Variants in CALCOCO1 observed in about 807,000 individuals in gnomAD.
The protein encoded by CALCOCO1 is calcium-binding and coiled-coil domain-containing protein 1.
In CALCOCO1, 44 loss-of-function variants were observed where a neutral mutation model predicts 86.3. That is an observed-to-expected ratio of 0.51 (90% CI 0.40 to 0.66). The LOEUF is 0.66. Ranked by LOEUF, CALCOCO1 falls within the 30% of genes least tolerant of loss-of-function variation. The pLI is 0.00. For missense variants in CALCOCO1, 708 were observed against 851.1 expected, an observed-to-expected ratio of 0.83 and a Z score of 2.09; for synonymous variants, 297 against 327.6, an observed-to-expected ratio of 0.91 and a Z score of 1.01.
rs775176323 is a variant in CALCOCO1 at position 53,719,843 on chromosome 12, G to A, written c.759-14C>T. The A allele has an allele frequency of 1.9e-6, 3 of 1,585,444 alleles. No homozygotes were observed. The highest frequency in any genetic ancestry group is 1.7e-6 in the Non-Finnish European group (2 of 1,154,438). On this transcript the variant is annotated splice_polypyrimidine_tract_variant and intron_variant, in intron 6 of 14. Coordinates refer to ENST00000550804, the MANE Select transcript of CALCOCO1 (RefSeq NM_020898.3). The stretch of plus-strand genomic sequence containing the variant: ...GTGTCTCTAAGCCTGTGATTGGTGG[G>A]ATGACATGTCAGACAATCTGCTCCA...
chr12:53,726,861 G>C (rs866443918), intron 1 of CALCOCO1, among the ~76,000 whole-genome samples: 19 of 152,132 alleles, frequency 1.2e-4, no homozygotes, highest in African/African-American at 4.1e-4. Context: ...AAGAAAATCC[G>C]TAACAGCTGT....
intron 13 of CALCOCO1, 22 bp from the exon 14 acceptor site, chr12:53,713,228 T>G (rs527600319): frequency 3.7e-6 from 6 of 1,603,614 alleles, no homozygotes; most frequent in African/African-American, 1.3e-5. Context: ...AGAGACAGGG[T>G]TGGGCTTTGG....
chr12:53,724,681 C>T lies in CALCOCO1; in HGVS notation c.223G>A (p.Asp75Asn). ...VWSSVPESTT[D>N]GSPIHTSVQF... ...ACACTGGTGTGAATGGGGGAACCAT[C>T]AGTTGTACTTTCAGGCACGGAAGAC... Residue 75 changes from aspartate to asparagine, a missense_variant, in exon 3 of 15, where the codon GAT (aspartate) becomes AAT (asparagine). Physicochemically the swap from Asp to Asn is conservative, Grantham distance 23. Coordinates refer to ENST00000550804, the MANE Select transcript of CALCOCO1 (RefSeq NM_020898.3). The T allele has an allele frequency of 6.2e-7, 1 of 1,614,076 alleles. No homozygotes were observed. The highest frequency in any genetic ancestry group is 8.5e-7 in the Non-Finnish European group (1 of 1,179,982).
Position 53,724,653 on chromosome 12 carries a change from T to A in CALCOCO1, c.251A>T (p.Gln84Leu). 6.2e-7 allele frequency: 1 copy of A among 1,613,544 alleles called. No individual in the cohort carries two copies. The change falls in exon 3 of 15, where the codon CAG (glutamine) becomes CTG (leucine). Residue 84 changes from glutamine to leucine, a missense_variant. Transcript: ENST00000550804. ...TCCATCTTCCCTTGTACCTTGGAAC[T>A]GGACACTGGTGTGAATGGGGGAACC... ...TDGSPIHTSV[Q>L]FQASYLPKPG...
At chr12:53,723,493 T>C (rs1004993352) in intron 4 of CALCOCO1, 100 bp downstream of exon 4, 2 of 1,260,660 alleles carry the variant, frequency 1.6e-6, no homozygotes, top group South Asian at 1.2e-5. Flanking sequence ...AGGTCTTTAG[T>C]TGGCGCCACA....
At position 53,713,919 on chromosome 12, in the gene CALCOCO1, G is replaced by A; in HGVS notation, c.1592-19C>T. On this transcript the variant is annotated intron_variant, in intron 12 of 14. Transcript: ENST00000550804. ...GGGCAGCCTGTAGGAGATGAAGCAG[G>A]CAGAGAAGAAAAAAGGATGTGTTGT... 1.3e-6 allele frequency: 2 copies of A among 1,524,250 alleles called. No individual in the cohort carries two copies. Among genetic ancestry groups the A allele is most frequent in the South Asian group, 1.3e-5 (1 of 76,526 alleles). 94.4% of individuals were successfully genotyped at this position (1,524,250 alleles called of 1,614,324 possible).
intron 1 of CALCOCO1, among the ~76,000 whole-genome samples, chr12:53,726,898 T>C (rs554969760): frequency 6.6e-6 from 1 of 151,946 alleles, no homozygotes; most frequent in South Asian, 2.1e-4. Flanking sequence ...CGAAAGAAAG[T>C]TTTGGGCACC....
intron 3 of CALCOCO1, 119 bp from the exon 4 acceptor site, chr12:53,723,902 C>T: frequency 1.2e-6 from 1 of 814,636 alleles, no homozygotes. Flanking sequence ...CCATACTCTT[C>T]TCCCTCCTTT....
In CALCOCO1 at chr12:53,713,841, G is replaced by A. The variant is rs1945650892; in HGVS notation, c.1651C>T (p.Pro551Ser). The change falls in exon 13 of 15, where the codon CCC becomes TCC. Residue 551 changes from proline to serine, a missense_variant. Physicochemically the swap from Pro to Ser is moderately conservative, Grantham distance 74. Coordinates refer to ENST00000550804, the MANE Select transcript of CALCOCO1 (RefSeq NM_020898.3). ...TCTCCACGCTCACAAAGGCCATAGG[G>A]TGGGAGCCTCATGTCTTCTGGGGAC... ...DESPEDMRLP[P>S]YGLCERGDPG... The A allele has an allele frequency of 1.3e-6, 2 of 1,545,916 alleles. No individual in the cohort carries two copies. The highest frequency in any genetic ancestry group is 1.7e-6 in the Non-Finnish European group (2 of 1,148,142).
rs559946551 is a variant in CALCOCO1 at position 53,722,299 on chromosome 12, TAA to T, written c.451-118_451-117del. 366 of 1,187,896 alleles carry T rather than the reference TAA, an allele frequency of 3.1e-4. 1 individual carries two copies. The highest frequency in any genetic ancestry group is 4.1e-4 in the Non-Finnish European group (340 of 826,194). 73.6% of individuals were successfully genotyped at this position (1,187,896 alleles called of 1,614,324 possible). A position where few individuals can be genotyped will look rare whatever the true frequency, so the allele number is the denominator to read the frequency against. On this transcript the variant is annotated intron_variant, in intron 4 of 14. Coordinates refer to ENST00000550804, the MANE Select transcript of CALCOCO1 (RefSeq NM_020898.3). ...TGGGAAGTTACATAGCTTTGGGTTA[TAA>T]AGAGGTGAGGAAGGGGATGCTCAGT...
chr12:53,726,215 C>T (rs1054344469), intron 1 of CALCOCO1: 2 of 152,216 alleles, frequency 1.3e-5, no homozygotes, highest in Non-Finnish European at 2.9e-5. Context: ...TCTCTCCAGA[C>T]TGTGCCTGCA....
Position 53,713,259 on chromosome 12 carries a change from G to A in CALCOCO1, c.1792-53C>T. 3 of 1,443,904 alleles carry A rather than the reference G, an allele frequency of 2.1e-6. No homozygotes were observed. In the Admixed American group the frequency reaches 5.0e-5, roughly 24 times the overall value. 89.4% of individuals were successfully genotyped at this position (1,443,904 alleles called of 1,614,324 possible). On this transcript the variant is annotated intron_variant, in intron 13 of 14. Transcript: ENST00000550804. ...TTTGGGGTGGTGTCCCAAGATGGGGGAGCAGCACATTGGGACAGGTATGGG... is the reference window on the plus strand; with the variant it reads ...TTTGGGGTGGTGTCCCAAGATGGGGAAGCAGCACATTGGGACAGGTATGGG...
intron 7 of CALCOCO1, among the ~76,000 whole-genome samples, chr12:53,717,973 C>T (rs1405178453): frequency 6.6e-6 from 1 of 152,128 alleles, no homozygotes; most frequent in African/African-American, 2.4e-5. Context: ...TGCAGTGAGC[C>T]GAGATCGCGC....
chr12:53,721,372 AG>A, intron 6 of CALCOCO1, 94 bp downstream of exon 6: 1 of 1,124,172 alleles, frequency 8.9e-7, no homozygotes, highest in South Asian at 1.6e-5. Flanking sequence ...AAAGCGTGTG[AG>A]GCAGACAGCA....
rs375064882 is a variant in CALCOCO1, at chr12:53,710,797, G to A, written c.*1147C>T. ...GGCTGCTATGAAGGGTGAAGTTCTC[G>A]GCAGTGGGAAACTTGTCCCACTTTT... is the stretch of plus-strand genomic sequence containing the variant. On this transcript the variant is annotated 3_prime_UTR_variant, in exon 15 of 15. Transcript: ENST00000550804. The A allele has an allele frequency of 1.7e-3, 267 of 156,038 alleles. 1 individual carries two copies. Among genetic ancestry groups the A allele is most frequent in the Admixed American group, 2.8e-3 (43 of 15,358 alleles). 9.7% of individuals were successfully genotyped at this position (156,038 alleles called of 1,614,324 possible).
intron 7 of CALCOCO1, among the ~76,000 whole-genome samples, chr12:53,718,903 C>T (rs999322416): frequency 2.8e-5 from 4 of 144,160 alleles, no homozygotes; most frequent in South Asian, 4.4e-4. Context: ...GCTGGAGAGC[C>T]GTAGTGTGAT....
rs148552416 is a variant in CALCOCO1, at chr12:53,711,730, C to T, written c.*214G>A. 59 of 445,270 alleles carry T rather than the reference C, an allele frequency of 1.3e-4. No homozygotes were observed. Among genetic ancestry groups the T allele is most frequent in the East Asian group, 6.1e-4 (16 of 26,330 alleles). The allele number at this position is 445,270 out of a possible 1,614,324, so 27.6% of individuals were successfully genotyped here. ...AGGGGATAAATTCAGCCACTGCTTC[C>T]GAACAGGACCCCTCCCTGGGACAAA... On this transcript the variant is annotated 3_prime_UTR_variant, in exon 15 of 15. Coordinates refer to ENST00000550804, the MANE Select transcript of CALCOCO1 (RefSeq NM_020898.3).
intron 3 of CALCOCO1, 125 bp downstream of exon 3, chr12:53,724,520 T>C: frequency 1.4e-6 from 1 of 728,314 alleles, no homozygotes; most frequent in Non-Finnish European, 2.5e-6. Context: ...ATTCTCATTA[T>C]ATTTATTTTC....
At chr12:53,713,660 C>T (rs1197491899) in intron 13 of CALCOCO1, 41 bp downstream of exon 13, 4 of 1,475,262 alleles carry the variant, frequency 2.7e-6, no homozygotes, top group Non-Finnish European at 3.6e-6. Context: ...TTTGGCCCTG[C>T]CCCTCCTTAC....
Sources: gnomAD v4.1 joint callset for allele counts (sites outside exome capture counted in the v4.1 genomes callset) on GRCh38, gnomAD v4.1.1 for gene constraint, MANE v1.5 for transcripts, NCBI Gene and HGNC (gene_info 2026-07-23, HGNC 2026-07-21) for gene names.